The following MPP7 variants were observed in gnomAD, a reference collection of about 807,000 sequenced individuals.
MPP7 encodes MAGUK p55 scaffold protein 7.
MPP7 carries 60 observed loss-of-function variants against 76.5 expected under a neutral mutation model. The ratio of observed to expected loss-of-function variants is 0.78; its 90% CI spans 0.64 to 0.97. The LOEUF (loss-of-function observed/expected upper bound fraction) is 0.97, where lower values mean the gene tolerates loss of function less well. MPP7 is among the 50% of genes least tolerant of loss of function. The pLI is 0.00. For missense variants in MPP7, 641 were observed against 694.0 expected (o/e 0.92, Z 0.86); for synonymous variants, 237 against 244.5 (o/e 0.97, Z 0.29).
chr10:28,324,669 T>C (rs1431221544), intron 2 of MPP7, among the ~76,000 whole-genome samples: 1 of 152,188 alleles, frequency 6.6e-6, no homozygotes, highest in African/African-American at 2.4e-5. Flanking sequence ...TTAAATACAT[T>C]TCATAATGAG....
At chr10:28,088,439 C>G (rs1419374245) in intron 12 of MPP7, among the ~76,000 whole-genome samples, 4 of 152,074 alleles carry the variant, frequency 2.6e-5, no homozygotes, top group Non-Finnish European at 5.9e-5. Context: ...TGTGGCACGT[C>G]CCCTGTCGCT....
At chr10:28,334,028 A>T (rs1254674806) in intron 1 of MPP7, among the ~76,000 whole-genome samples, 1 of 152,104 alleles carries the variant, frequency 6.6e-6, no homozygotes, top group East Asian at 1.9e-4. Flanking sequence ...CCTTGTCTCT[A>T]GTAAAACAAA....
At chr10:28,260,434 A>G (rs1394567782) in intron 1 of MPP7, among the ~76,000 whole-genome samples, 2 of 152,162 alleles carry the variant, frequency 1.3e-5, no homozygotes, top group Admixed American at 1.3e-4. Flanking sequence ...GAAATCTAAA[A>G]CATATGAAAA....
intron 3 of MPP7, among the ~76,000 whole-genome samples, chr10:28,198,551 G>T (rs1837663520): frequency 6.6e-6 from 1 of 150,486 alleles, no homozygotes; most frequent in Non-Finnish European, 1.5e-5. Context: ...CTCCAGCCTG[G>T]GCAACAGAGC....
intron 2 of MPP7, among the ~76,000 whole-genome samples, chr10:28,308,521 T>C (rs1841271943): frequency 6.6e-6 from 1 of 152,238 alleles, no homozygotes; most frequent in African/African-American, 2.4e-5. Context: ...CCTTTTATGA[T>C]CCTATTTTGG....
chr10:28,165,969 G>A (rs1280587150), intron 3 of MPP7, among the ~76,000 whole-genome samples: 11 of 146,286 alleles, frequency 7.5e-5, no homozygotes, highest in African/African-American at 2.8e-4. Context: ...AGGTTGCAGT[G>A]AGCCAAGATC....
intron 3 of MPP7, among the ~76,000 whole-genome samples, chr10:28,170,178 T>C (rs1221551099): frequency 1.3e-5 from 2 of 152,134 alleles, no homozygotes; most frequent in Non-Finnish European, 2.9e-5. Context: ...TGTATATACA[T>C]ATATATGTTT....
At chr10:28,286,447 T>C (rs960102759) in intron 1 of MPP7, among the ~76,000 whole-genome samples, 1 of 152,216 alleles carries the variant, frequency 6.6e-6, no homozygotes, top group Admixed American at 6.5e-5. Flanking sequence ...AGCCAAGAAG[T>C]AACTGGTCCC....
At chr10:28,299,538 T>A (rs1189483217) in intron 1 of MPP7, among the ~76,000 whole-genome samples, 1 of 152,038 alleles carries the variant, frequency 6.6e-6, no homozygotes, top group Non-Finnish European at 1.5e-5. Context: ...CAATGAAAAG[T>A]TTGCAATATT....
At chr10:28,057,299 T>A (rs1201605903) in intron 15 of MPP7, among the ~76,000 whole-genome samples, 1 of 152,186 alleles carries the variant, frequency 6.6e-6, no homozygotes, top group Non-Finnish European at 1.5e-5. Context: ...TGTAATGTAA[T>A]CCCCACTGCT....
chr10:28,203,045 G>A (rs1216167251), intron 2 of MPP7: 2 of 152,226 alleles, frequency 1.3e-5, no homozygotes, highest in African/African-American at 4.8e-5. Flanking sequence ...TCCAAGAAAT[G>A]TTGCAACAGT....
At chr10:28,197,265 C>T (rs1378348777) in intron 3 of MPP7, among the ~76,000 whole-genome samples, 1 of 150,888 alleles carries the variant, frequency 6.6e-6, no homozygotes, top group Non-Finnish European at 1.5e-5. Context: ...TCACTGCAAC[C>T]TCTGCCTCCC....
chr10:28,093,694 G>A (rs985591595), intron 11 of MPP7, among the ~76,000 whole-genome samples: 16 of 152,140 alleles, frequency 1.1e-4, no homozygotes, highest in South Asian at 2.1e-4. Flanking sequence ...AGATCCACCC[G>A]CCTTGGCCTC....
At chr10:28,321,250 G>C (rs1438264296) in intron 2 of MPP7, among the ~76,000 whole-genome samples, 1 of 152,166 alleles carries the variant, frequency 6.6e-6, no homozygotes, top group Non-Finnish European at 1.5e-5. Flanking sequence ...GTTAATTTTA[G>C]ATATGAAAAT....
At chr10:28,079,685 T>C (rs1450027727) in intron 12 of MPP7, among the ~76,000 whole-genome samples, 2 of 152,148 alleles carry the variant, frequency 1.3e-5, no homozygotes, top group African/African-American at 4.8e-5. Context: ...AGGCGTTGTG[T>C]TTTGAACCTT....
At chr10:28,193,599 T>C (rs1258807577) in intron 3 of MPP7, among the ~76,000 whole-genome samples, 1 of 152,206 alleles carries the variant, frequency 6.6e-6, no homozygotes, top group Admixed American at 6.5e-5. Flanking sequence ...GTGGAACTTC[T>C]GCTTTGTGAG....
intron 11 of MPP7, among the ~76,000 whole-genome samples, chr10:28,097,482 A>G (rs1191080649): frequency 6.6e-6 from 1 of 152,158 alleles, no homozygotes; most frequent in Non-Finnish European, 1.5e-5. Context: ...ATAACAATCC[A>G]TGTGTTTAAG....
chr10:28,117,081 T>C (rs1191358621), intron 11 of MPP7, among the ~76,000 whole-genome samples: 1 of 152,100 alleles, frequency 6.6e-6, no homozygotes, highest in Non-Finnish European at 1.5e-5. Flanking sequence ...TCCAGAACCA[T>C]CTTCCATGAA....
At chr10:28,278,284 C>G (rs1840563531) in intron 1 of MPP7, among the ~76,000 whole-genome samples, 1 of 152,064 alleles carries the variant, frequency 6.6e-6, no homozygotes, top group African/African-American at 2.4e-5. Context: ...CAAACGATTC[C>G]ATACCCACTG....
Sources: allele counts gnomAD v4.1 joint callset (sites outside exome capture counted in the v4.1 genomes callset), GRCh38; gene constraint gnomAD v4.1.1; transcripts MANE v1.5; gene names NCBI Gene and HGNC (gene_info 2026-07-23, HGNC 2026-07-21).